KCNJ3: variants seen among roughly 807,000 people sequenced by gnomAD.
The protein encoded by KCNJ3 is G protein-activated inward rectifier potassium channel 1.
A neutral mutation model predicts 39.2 loss-of-function variants in KCNJ3; 4 were observed. The observed-to-expected ratio is 0.10, with a 90% CI of 0.05 to 0.23. The LOEUF (loss-of-function observed/expected upper bound fraction) is 0.23. KCNJ3 is among the 10% of genes least tolerant of loss of function. KCNJ3 has a pLI of 1.00. For missense variants in KCNJ3, 276 were observed against 634.9 expected (o/e 0.43, Z 6.08); for synonymous variants, 230 against 237.4 (o/e 0.97, Z 0.29).
At chr2:154,829,101 G>A (rs1294990347) in intron 2 of KCNJ3, among the ~76,000 whole-genome samples, 1 of 152,080 alleles carries the variant, frequency 6.6e-6, no homozygotes, top group Admixed American at 6.6e-5. Context: ...TATACTAAGG[G>A]ACTGAAACTC....
intron 2 of KCNJ3, 140 bp downstream of exon 2, chr2:154,709,959 T>A (rs762641365): frequency 1.0e-6 from 1 of 984,274 alleles, no homozygotes. Context: ...CATTTCTTTG[T>A]AACATTAAAT....
chr2:154,726,396 A>C (rs1685358842), intron 2 of KCNJ3, among the ~76,000 whole-genome samples: 1 of 152,246 alleles, frequency 6.6e-6, no homozygotes, highest in Non-Finnish European at 1.5e-5. Flanking sequence ...AACGCAAATC[A>C]AGACCACAAA....
At chr2:154,821,635 A>ATGTTT (rs1687181858) in intron 2 of KCNJ3, among the ~76,000 whole-genome samples, 1 of 88,072 alleles carries the variant, frequency 1.1e-5, no homozygotes. Context: ...AGAATATGTG[A>ATGTTT]TTTTTTTTTT....
chr2:154,820,374 A>C (rs1813436), intron 2 of KCNJ3, among the ~76,000 whole-genome samples: 111,498 of 152,040 alleles, frequency 0.73, 41,877 homozygotes, highest in East Asian at 0.95. Context: ...AGAAGATAGA[A>C]CAAATGGTTT....
At chr2:154,823,330 AAGAG>A (rs879407882) in intron 2 of KCNJ3, among the ~76,000 whole-genome samples, 13 of 151,528 alleles carry the variant, frequency 8.6e-5, no homozygotes, top group South Asian at 4.2e-4. Flanking sequence ...GGAGATGGAA[AAGAG>A]AGAGAGAGAG....
At chr2:154,759,669 A>G (rs1048185097) in intron 2 of KCNJ3, among the ~76,000 whole-genome samples, 10 of 152,150 alleles carry the variant, frequency 6.6e-5, no homozygotes, top group African/African-American at 2.4e-4. Context: ...AAGGAAATTC[A>G]AATCCATGTA....
At chr2:154,704,487 A>C (rs1294616344) in intron 1 of KCNJ3, among the ~76,000 whole-genome samples, 1 of 152,184 alleles carries the variant, frequency 6.6e-6, no homozygotes, top group Non-Finnish European at 1.5e-5. Flanking sequence ...GCGTTCTGTA[A>C]GAAATGTTCT....
intron 2 of KCNJ3, among the ~76,000 whole-genome samples, chr2:154,780,526 T>A (rs1686419333): frequency 6.6e-6 from 1 of 151,268 alleles, no homozygotes; most frequent in Non-Finnish European, 1.5e-5. Flanking sequence ...AAAAAATGAA[T>A]GGGATTCAGA....
At chr2:154,770,269 T>C (rs1279374025) in intron 2 of KCNJ3, among the ~76,000 whole-genome samples, 1 of 152,196 alleles carries the variant, frequency 6.6e-6, no homozygotes, top group East Asian at 1.9e-4. Flanking sequence ...TCCCAGATAT[T>C]GTACACTAAA....
In KCNJ3 at chr2:154,708,587, T is replaced by C. The variant is rs373398854; in HGVS notation, c.703-1016T>C. ...TTTTTTTCTGTATTTAATTCCTAAC[T>C]ACCTAGCCCTTATTTTACCCCATAA... On this transcript the variant is annotated intron_variant, in intron 1 of 2. Coordinates refer to ENST00000295101, the MANE Select transcript of KCNJ3 (RefSeq NM_002239.4). Among the ~76,000 whole-genome samples the C allele has an allele frequency of 1.4e-4, 22 of 152,276 alleles. No homozygotes were observed. The East Asian group carries it at 1.5e-3, about 11-fold the overall frequency.
chr2:154,733,888 A>C (rs1375598832), intron 2 of KCNJ3, among the ~76,000 whole-genome samples: 2 of 152,114 alleles, frequency 1.3e-5, no homozygotes, highest in Non-Finnish European at 2.9e-5. Flanking sequence ...TTCCTAGGAG[A>C]CCTGACATGT....
At chr2:154,755,552 G>A (rs77199078) in intron 2 of KCNJ3, among the ~76,000 whole-genome samples, 7,531 of 149,462 alleles carry the variant, frequency 0.05, 325 homozygotes, top group East Asian at 0.23. Context: ...TCAAATTCAA[G>A]TAATTTTGCT....
chr2:154,844,418 G>A (rs1687631630), intron 2 of KCNJ3, among the ~76,000 whole-genome samples: 1 of 152,230 alleles, frequency 6.6e-6, no homozygotes, highest in African/African-American at 2.4e-5. Flanking sequence ...ACCAACTTGA[G>A]GAGGTAGTCT....
rs1221159595 is a variant in KCNJ3, at chr2:154,774,954, GC to G, written c.919+65138del. 2.0e-5 allele frequency among the ~76,000 whole-genome samples: 3 copies of G among 152,014 alleles called. No homozygotes were observed. In the East Asian group the frequency reaches 5.8e-4, roughly 29 times the overall value. ...TTTAGAGACAGGGTCTCACTCTGTT[GC>G]CCAGGCTAGAGTGCAGTGGCACGAT... On this transcript the variant is annotated intron_variant, in intron 2 of 2. Coordinates refer to ENST00000295101, the MANE Select transcript of KCNJ3 (RefSeq NM_002239.4).
chr2:154,747,199 A>G (rs139101386), intron 2 of KCNJ3, among the ~76,000 whole-genome samples: 227 of 152,122 alleles, frequency 1.5e-3, no homozygotes, highest in African/African-American at 5.1e-3. Context: ...AGTCAGTATT[A>G]TACTTGTCAT....
chr2:154,836,229 CA>C (rs67183820), intron 2 of KCNJ3, among the ~76,000 whole-genome samples: 66,286 of 140,802 alleles, frequency 0.47, 17,100 homozygotes, highest in Middle Eastern at 0.58. Flanking sequence ...CAAAAAAAAA[CA>C]AAAAAAAAAA....
chr2:154,822,066 C>T (rs188217626), intron 2 of KCNJ3, among the ~76,000 whole-genome samples: 2 of 152,190 alleles, frequency 1.3e-5, no homozygotes, highest in Admixed American at 6.5e-5. Flanking sequence ...ACTACCTATA[C>T]AGTATTACAC....
At chr2:154,788,229 G>A (rs1217714804) in intron 2 of KCNJ3, among the ~76,000 whole-genome samples, 1 of 152,068 alleles carries the variant, frequency 6.6e-6, no homozygotes, top group African/African-American at 2.4e-5. Context: ...ATCTACATAA[G>A]TATAGTCTAG....
intron 2 of KCNJ3, among the ~76,000 whole-genome samples, chr2:154,741,538 T>C (rs930912253): frequency 6.6e-6 from 1 of 151,922 alleles, no homozygotes; most frequent in African/African-American, 2.4e-5. Context: ...TTTATTGTTT[T>C]TGGGATGTGG....
Sources: gnomAD v4.1 joint callset for allele counts (sites outside exome capture counted in the v4.1 genomes callset) on GRCh38, gnomAD v4.1.1 for gene constraint, MANE v1.5 for transcripts, NCBI Gene and HGNC (gene_info 2026-07-23, HGNC 2026-07-21) for gene names.